Variants in PTPRG observed in about 807,000 individuals in gnomAD.
PTPRG encodes the protein receptor-type tyrosine-protein phosphatase gamma.
In PTPRG, 102 loss-of-function variants were observed where a neutral mutation model predicts 165.3. The ratio of observed to expected loss-of-function variants is 0.62; its 90% CI spans 0.53 to 0.73. The LOEUF (loss-of-function observed/expected upper bound fraction) is 0.73, where lower values mean the gene tolerates loss of function less well. Ranked by LOEUF, PTPRG falls within the 30% of genes least tolerant of loss-of-function variation. The probability of loss-of-function intolerance (pLI) is 0.00; values close to 1 mark genes in which losing one functional copy is unlikely to be tolerated. For missense variants in PTPRG, 1,866 were observed against 1,861.4 expected, an observed-to-expected ratio of 1.00 and a Z score of -0.05; for synonymous variants, 675 against 669.5, an observed-to-expected ratio of 1.01 and a Z score of -0.13.
chr3:61,726,598 A>G (rs529451766), intron 1 of PTPRG, among the ~76,000 whole-genome samples: 1 of 152,334 alleles, frequency 6.6e-6, no homozygotes, highest in South Asian at 2.1e-4. Flanking sequence ...ATAGAATTAT[A>G]TCTTCTCCAA....
At chr3:62,098,158 T>C (rs905621042) in intron 5 of PTPRG, among the ~76,000 whole-genome samples, 2 of 152,176 alleles carry the variant, frequency 1.3e-5, no homozygotes, top group African/African-American at 2.4e-5. Flanking sequence ...TTTACCTATA[T>C]TACATGATTT....
chr3:62,267,658 C>G, intron 18 of PTPRG, 27 bp from the exon 19 acceptor site: 2 of 1,600,794 alleles, frequency 1.2e-6, no homozygotes, highest in Non-Finnish European at 1.7e-6. Flanking sequence ...CTGCTTTCAT[C>G]TCACTTTGTG....
At chr3:61,887,166 A>ATTTTT (rs1559670266) in intron 2 of PTPRG, among the ~76,000 whole-genome samples, 4 of 99,276 alleles carry the variant, frequency 4.0e-5, no homozygotes, top group Admixed American at 1.1e-4. Flanking sequence ...ATATATATAT[A>ATTTTT]TATATTTTTA....
intron 2 of PTPRG, among the ~76,000 whole-genome samples, chr3:61,908,417 A>C (rs1183248446): frequency 6.6e-6 from 1 of 150,754 alleles, no homozygotes; most frequent in Non-Finnish European, 1.5e-5. Context: ...AGAGCAAAAA[A>C]AAAAAAAAAA....
chr3:62,174,379 C>T (rs951722240), intron 8 of PTPRG, among the ~76,000 whole-genome samples: 5 of 152,150 alleles, frequency 3.3e-5, no homozygotes, highest in African/African-American at 7.2e-5. Context: ...GAGAGGACAC[C>T]GGGCTGCCTG....
At chr3:61,727,234 G>A (rs1250992768) in intron 1 of PTPRG, among the ~76,000 whole-genome samples, 1 of 150,612 alleles carries the variant, frequency 6.6e-6, no homozygotes, top group Non-Finnish European at 1.5e-5. Flanking sequence ...TTGAGATGGA[G>A]TAGTGCGGTG....
intron 1 of PTPRG, among the ~76,000 whole-genome samples, chr3:61,712,113 C>T (rs994653347): frequency 3.3e-5 from 5 of 151,988 alleles, no homozygotes; most frequent in South Asian, 2.1e-4. Context: ...AGGCTGGTGT[C>T]GAACTCCTGA....
At chr3:62,196,889 CCAG>C (rs140751673) in intron 10 of PTPRG, among the ~76,000 whole-genome samples, 2,516 of 152,126 alleles carry the variant, frequency 0.017, 32 homozygotes, top group Middle Eastern at 0.048. Flanking sequence ...GAGTTGTGGA[CCAG>C]CAGCAGCAGC....
chr3:62,027,585 C>A (rs1699606018), intron 4 of PTPRG, among the ~76,000 whole-genome samples: 1 of 152,164 alleles, frequency 6.6e-6, no homozygotes. Context: ...CCTGCAAAAT[C>A]TAATTTTTCC....
At chr3:62,096,075 G>A (rs1035814432) in intron 5 of PTPRG, among the ~76,000 whole-genome samples, 2 of 152,180 alleles carry the variant, frequency 1.3e-5, no homozygotes, top group South Asian at 2.1e-4. Flanking sequence ...TACCGAGAGA[G>A]TTGAGCTGGA....
At chr3:61,955,715 C>T (rs918276971) in intron 2 of PTPRG, among the ~76,000 whole-genome samples, 1 of 152,102 alleles carries the variant, frequency 6.6e-6, no homozygotes, top group Non-Finnish European at 1.5e-5. Context: ...TACTGTGTTA[C>T]TCTAGGGAGT....
chr3:62,225,302 CAG>C (rs1198733075), intron 13 of PTPRG, among the ~76,000 whole-genome samples: 3 of 152,174 alleles, frequency 2.0e-5, no homozygotes, highest in African/African-American at 4.8e-5. Flanking sequence ...TGCTGCCACT[CAG>C]AGAGAAGAGG....
At chr3:61,884,381 G>T (rs1016156061) in intron 2 of PTPRG, among the ~76,000 whole-genome samples, 7 of 152,128 alleles carry the variant, frequency 4.6e-5, no homozygotes, top group Non-Finnish European at 8.8e-5. Flanking sequence ...CAGCCCTCAG[G>T]GAATTGAGTC....
At chr3:61,899,085 T>C (rs1199081507) in intron 2 of PTPRG, among the ~76,000 whole-genome samples, 1 of 152,210 alleles carries the variant, frequency 6.6e-6, no homozygotes, top group Admixed American at 6.5e-5. Flanking sequence ...ATTTTCACTT[T>C]ATTTTATTTT....
chr3:61,958,761 G>A (rs375571933), intron 2 of PTPRG, among the ~76,000 whole-genome samples: 1 of 152,146 alleles, frequency 6.6e-6, no homozygotes, highest in Non-Finnish European at 1.5e-5. Context: ...TTAATTGCTT[G>A]TTGAATTGGA....
chr3:62,278,165 C>G (rs1702298301), intron 26 of PTPRG, among the ~76,000 whole-genome samples: 1 of 152,092 alleles, frequency 6.6e-6, no homozygotes, highest in South Asian at 2.1e-4. Context: ...AGAGCACACA[C>G]AAGTAACTGG....
At chr3:61,600,188 A>ACGTG (rs1553639781) in intron 1 of PTPRG, among the ~76,000 whole-genome samples, 1 of 133,278 alleles carries the variant, frequency 7.5e-6, no homozygotes, top group African/African-American at 2.8e-5. Context: ...ATATATATAT[A>ACGTG]TATATGTGTG....
At chr3:61,966,101 G>A (rs2040264409) in intron 2 of PTPRG, among the ~76,000 whole-genome samples, 1 of 152,182 alleles carries the variant, frequency 6.6e-6, no homozygotes, top group African/African-American at 2.4e-5. Context: ...CCTCCGCCCT[G>A]AATATGTGAC....
intron 2 of PTPRG, among the ~76,000 whole-genome samples, chr3:61,959,963 G>A (rs2040113842): frequency 6.6e-6 from 1 of 152,110 alleles, no homozygotes; most frequent in South Asian, 2.1e-4. Flanking sequence ...CTCCTCTGCA[G>A]CTTCTGTTCA....
Sources: allele counts gnomAD v4.1 joint callset (sites outside exome capture counted in the v4.1 genomes callset), GRCh38; gene constraint gnomAD v4.1.1; transcripts MANE v1.5; gene names NCBI Gene and HGNC (gene_info 2026-07-23, HGNC 2026-07-21).